The following SLC8A3 variants were observed in gnomAD, a reference collection of about 807,000 sequenced individuals.
The protein encoded by SLC8A3 is solute carrier family 8 member A3.
In SLC8A3, 37 loss-of-function variants were observed where a neutral mutation model predicts 65.4. The ratio of observed to expected loss-of-function variants is 0.57; its 90% CI spans 0.44 to 0.74. The LOEUF (loss-of-function observed/expected upper bound fraction) is 0.74. Among genes scored for constraint, SLC8A3 ranks in the 30% least tolerant of loss-of-function variants. The probability of loss-of-function intolerance (pLI) is 0.00; values close to 1 mark genes in which losing one functional copy is unlikely to be tolerated. For synonymous variants in SLC8A3, 461 were observed against 444.5 expected (o/e 1.04, Z -0.47); for missense variants, 1,112 against 1,172.1 (o/e 0.95, Z 0.75).
At chr14:70,152,138 T>C (rs11158840) in intron 2 of SLC8A3, among the ~76,000 whole-genome samples, 16,123 of 152,216 alleles carry the variant, frequency 0.11, 1,161 homozygotes, top group Non-Finnish European at 0.16. Flanking sequence ...CCTGGGCTAC[T>C]GGTTTCCAGT....
intron 2 of SLC8A3, among the ~76,000 whole-genome samples, chr14:70,064,615 G>C (rs1237294227): frequency 2.6e-5 from 4 of 152,104 alleles, no homozygotes; most frequent in South Asian, 4.1e-4. Flanking sequence ...TTCACAGAGG[G>C]CCTGAAAAGC....
chr14:70,114,996 G>A (rs192421627), intron 2 of SLC8A3, among the ~76,000 whole-genome samples: 1 of 152,170 alleles, frequency 6.6e-6, no homozygotes, highest in Admixed American at 6.5e-5. Context: ...CCCTAATCAG[G>A]AGACACGACC....
intron 2 of SLC8A3, among the ~76,000 whole-genome samples, chr14:70,149,266 A>ATT (rs1485770602): frequency 6.6e-6 from 1 of 152,216 alleles, no homozygotes; most frequent in African/African-American, 2.4e-5. Context: ...TAAAGCCCTG[A>ATT]TTGGGAAAAG....
intron 2 of SLC8A3, among the ~76,000 whole-genome samples, chr14:70,120,853 A>G (rs79890590): frequency 0.034 from 5,115 of 152,304 alleles, 294 homozygotes; most frequent in African/African-American, 0.12. Flanking sequence ...GTGATCTTTA[A>G]GATATGATTT....
chr14:70,163,240 C>T (rs1243332538), intron 2 of SLC8A3, among the ~76,000 whole-genome samples: 1 of 152,188 alleles, frequency 6.6e-6, no homozygotes, highest in Non-Finnish European at 1.5e-5. Flanking sequence ...TGTTGTCCAA[C>T]AAAAACCTGG....
chr14:70,178,150 G>T (rs1482592604), intron 1 of SLC8A3, among the ~76,000 whole-genome samples: 2 of 152,166 alleles, frequency 1.3e-5, no homozygotes, highest in Admixed American at 1.3e-4. Flanking sequence ...AGATCTCCAG[G>T]CCCCAAGAAA....
chr14:70,116,596 G>A (rs761068263), intron 2 of SLC8A3, among the ~76,000 whole-genome samples: 7 of 152,232 alleles, frequency 4.6e-5, no homozygotes, highest in Non-Finnish European at 1.0e-4. Flanking sequence ...TTAATATACC[G>A]GCTGGAAGGT....
intron 2 of SLC8A3, among the ~76,000 whole-genome samples, chr14:70,092,805 C>G (rs1448391391): frequency 6.6e-6 from 1 of 152,162 alleles, no homozygotes; most frequent in Non-Finnish European, 1.5e-5. Context: ...TTTTCATCAT[C>G]CCTGGAACTT....
rs1354131575 is a variant in SLC8A3 at position 70,167,344 on chromosome 14, C to A, written c.1079G>T (p.Arg360Leu). 6.2e-7 allele frequency: 1 copy of A among 1,614,030 alleles called. No homozygotes were observed. Among genetic ancestry groups the A allele is most frequent in the East Asian group, 2.2e-5 (1 of 44,890 alleles). The change falls in exon 2 of 7, where the codon CGT (arginine) becomes CTT (leucine). Residue 360 changes from arginine to leucine, a missense_variant. Arg to Leu is a moderately radical substitution (Grantham distance 102, BLOSUM62 -2). Transcript: ENST00000356921. Reference protein sequence around the residue: ...SRAFYRIQATRMMTGAGNILK... With the variant: ...SRAFYRIQATLMMTGAGNILK... ...GATATTGCCTGCACCAGTCATCATA[C>A]GAGTGGCTTGGATACGGTAGAAGGC...
intron 2 of SLC8A3, among the ~76,000 whole-genome samples, chr14:70,108,802 T>C (rs868846720): frequency 6.6e-6 from 1 of 152,220 alleles, no homozygotes; most frequent in Non-Finnish European, 1.5e-5. Context: ...TCTAAACTAC[T>C]TCCCTGCCTC....
intron 2 of SLC8A3, among the ~76,000 whole-genome samples, chr14:70,156,441 A>G (rs374535943): frequency 1.6e-4 from 25 of 152,168 alleles, no homozygotes; most frequent in Non-Finnish European, 2.6e-4. Flanking sequence ...GGATTGGCAG[A>G]TATTTGGCCT....
intron 2 of SLC8A3, among the ~76,000 whole-genome samples, chr14:70,099,831 T>C (rs146049403): frequency 6.6e-5 from 10 of 152,304 alleles, no homozygotes; most frequent in African/African-American, 2.4e-4. Context: ...ACAAGTCGTT[T>C]AAAAAGCATC....
intron 2 of SLC8A3, among the ~76,000 whole-genome samples, chr14:70,085,924 T>A (rs1891399610): frequency 6.6e-6 from 1 of 152,226 alleles, no homozygotes; most frequent in South Asian, 2.1e-4. Context: ...ACAAGAAGGT[T>A]AAGTCACAGC....
intron 2 of SLC8A3, among the ~76,000 whole-genome samples, chr14:70,101,044 A>G (rs1267352478): frequency 1.3e-5 from 2 of 152,252 alleles, no homozygotes; most frequent in Non-Finnish European, 2.9e-5. Context: ...ACGATCTAAA[A>G]GACAGAAGTC....
chr14:70,118,552 G>A (rs10136228), intron 2 of SLC8A3, among the ~76,000 whole-genome samples: 85,810 of 152,050 alleles, frequency 0.56, 25,140 homozygotes, highest in African/African-American at 0.68. Flanking sequence ...CTGATTCTAG[G>A]GGCATAATTC....
chr14:70,074,899 G>A (rs924252258), intron 2 of SLC8A3, among the ~76,000 whole-genome samples: 3 of 152,146 alleles, frequency 2.0e-5, no homozygotes, highest in East Asian at 3.8e-4. Flanking sequence ...CTAGGGAGGC[G>A]ACTCTAGTGG....
intron 2 of SLC8A3, among the ~76,000 whole-genome samples, chr14:70,144,309 T>G (rs1231868224): frequency 1.9e-4 from 1 of 5,346 alleles, no homozygotes; most frequent in African/African-American, 7.3e-4. Flanking sequence ...AAACTTCCTG[T>G]TTTTTTTTTT....
At chr14:70,165,132 C>T (rs1897098135) in intron 2 of SLC8A3, among the ~76,000 whole-genome samples, 1 of 152,218 alleles carries the variant, frequency 6.6e-6, no homozygotes, top group Admixed American at 6.5e-5. Flanking sequence ...AAAGGACTGA[C>T]CTTGCCTCCA....
At chr14:70,097,385 T>C (rs1023713819) in intron 2 of SLC8A3, among the ~76,000 whole-genome samples, 1 of 152,056 alleles carries the variant, frequency 6.6e-6, no homozygotes, top group Non-Finnish European at 1.5e-5. Context: ...CTATAAATGG[T>C]TCTGTGTACA....
Sources: gnomAD v4.1 joint callset for allele counts (sites outside exome capture counted in the v4.1 genomes callset) on GRCh38, gnomAD v4.1.1 for gene constraint, MANE v1.5 for transcripts, NCBI Gene and HGNC (gene_info 2026-07-23, HGNC 2026-07-21) for gene names.